Variants in TRPV6 observed in about 807,000 individuals in gnomAD.
TRPV6 encodes transient receptor potential cation channel subfamily V member 6.
Under a neutral mutation model 79.0 loss-of-function variants are expected in TRPV6, and 39 were observed. The observed-to-expected ratio is 0.49, with a 90% confidence interval of 0.38 to 0.64. The LOEUF is 0.64. TRPV6 is among the 30% of genes least tolerant of loss of function. TRPV6 has a pLI of 0.00. For missense variants in TRPV6, 813 were observed against 1,011.1 expected, an observed-to-expected ratio of 0.80 and a Z score of 2.66; for synonymous variants, 373 against 391.9, an observed-to-expected ratio of 0.95 and a Z score of 0.57.
At position 142,877,865 on chromosome 7, in the gene TRPV6, CA is replaced by C; in HGVS notation, c.346+63del. 3 of 1,613,066 alleles carry C rather than the reference CA, an allele frequency of 1.9e-6. No homozygotes were observed. In the Admixed American group the frequency reaches 5.0e-5, roughly 27 times the overall value. On this transcript the variant is annotated intron_variant, in intron 2 of 14. Transcript: ENST00000359396. ...GAGGCCAACAGCACGAGGTCCTGGG[CA>C]CTCCTGGGAGGCCCCATGTGTGGGG...
chr7:142,871,879 A>T lies in TRPV6; in HGVS notation c.2126T>A (p.Leu709Gln), dbSNP rs1794941164. 6.2e-7 allele frequency: 1 copy of T among 1,614,198 alleles called. No homozygotes were observed. ...CAGGTGGGGGCTGAAGGGACAGCCC[A>T]GCTCTAGTTTTTCCACTGAGTCTTT... Residue 709 changes from leucine to glutamine, a missense_variant, in exon 15 of 15, where the codon CTG (leucine) becomes CAG (glutamine). By Grantham distance (113) the Leu-to-Gln change is moderately radical. Transcript: ENST00000359396.
At position 142,885,587 on chromosome 7, in the gene TRPV6, ACAT is replaced by A. The variant is rs751356686; in HGVS notation, c.47_49del (p.Asp16del). 3 of 1,497,694 alleles carry A rather than the reference ACAT, an allele frequency of 2.0e-6. No homozygotes were observed. The highest frequency in any genetic ancestry group is 2.7e-6 in the Non-Finnish European group (3 of 1,122,052). 92.8% of individuals were successfully genotyped at this position (1,497,694 alleles called of 1,614,324 possible). A position where few individuals can be genotyped will look rare whatever the true frequency, so the allele number is the denominator to read the frequency against. On this transcript the variant is annotated inframe_deletion, in exon 1 of 15. Coordinates refer to ENST00000359396, the MANE Select transcript of TRPV6 (RefSeq NM_018646.6). ...CCTGACGGGACTCAGCCTTGGGGCC[ACAT>A]CAGCCCCCCCAAGGGCCGGCCCACC... is the stretch of plus-strand genomic sequence containing the variant.
intron 3 of TRPV6, 72 bp from the exon 4 acceptor site, chr7:142,877,351 C>T: frequency 6.3e-7 from 1 of 1,584,424 alleles, no homozygotes; most frequent in South Asian, 1.1e-5. Flanking sequence ...CATATGCACC[C>T]CAGTCTCTTT....
rs1261021938 is a variant in TRPV6, at chr7:142,873,149, T to G, written c.1908+299A>C. On this transcript the variant is annotated intron_variant, in intron 13 of 14. Transcript: ENST00000359396. The surrounding 1 kb of genome is among the most constrained non-coding windows in gnomAD (Gnocchi z 4.8). ...CTCCAGTTTTTATTTGGGAACAAAATGTACTGAGTGCAATTTTAGCCAACG... is the reference window on the plus strand; with the variant it reads ...CTCCAGTTTTTATTTGGGAACAAAAGGTACTGAGTGCAATTTTAGCCAACG... Among the ~76,000 whole-genome samples, 1 of 152,242 alleles carries G rather than the reference T, an allele frequency of 6.6e-6. No individual in the cohort carries two copies. Among genetic ancestry groups the G allele is most frequent in the Non-Finnish European group, 1.5e-5 (1 of 68,038 alleles).
rs771094322 is a variant in TRPV6 at position 142,877,727 on chromosome 7, G to C, written c.393C>G (p.Asn131Lys). The change falls in exon 3 of 15, where the codon AAC becomes AAG. Residue 131 changes from asparagine (N) to lysine (K), a missense_variant. Physicochemically the swap from Asn to Lys is moderately conservative, Grantham distance 94. Coordinates refer to ENST00000359396, the MANE Select transcript of TRPV6 (RefSeq NM_018646.6). ...CCATCAGCACCATGGCGGCCTCCAG[G>C]TTGTCATAGAGGGCTGCTATGTGTA... is the stretch of plus-strand genomic sequence containing the variant. 93 of 1,614,086 alleles carry C rather than the reference G, an allele frequency of 5.8e-5. No homozygotes were observed. Among genetic ancestry groups the C allele is most frequent in the Non-Finnish European group, 7.7e-5 (91 of 1,180,052 alleles).
chr7:142,877,153 A>G lies in TRPV6; in HGVS notation c.596T>C (p.Leu199Pro). 6.2e-7 allele frequency: 1 copy of G among 1,614,072 alleles called. No homozygotes were observed. The highest frequency in any genetic ancestry group is 8.5e-7 in the Non-Finnish European group (1 of 1,179,984). ...AGCCCTGCTCTCACCAAAGTAGATG[A>G]GGTTGCAGGGACTACGGCGGAAGGC... Residue 199 changes from leucine (L) to proline (P), a missense_variant, in exon 4 of 15, where the codon CTC becomes CCC. This residue lies in a region of TRPV6 where 555 missense variants were observed against 631.0 expected (regional missense o/e 0.88). Coordinates refer to ENST00000359396, the MANE Select transcript of TRPV6 (RefSeq NM_018646.6).
At chr7:142,874,249 G>A in intron 11 of TRPV6, 107 bp from the exon 12 acceptor site, 1 of 1,330,572 alleles carries the variant, frequency 7.5e-7, no homozygotes, top group Non-Finnish European at 1.1e-6. Flanking sequence ...TCCACCCTCT[G>A]GGACAGGGAT....
Position 142,877,789 on chromosome 7 carries a change from A to G in TRPV6, c.347-16T>C. 6.2e-7 allele frequency: 1 copy of G among 1,613,930 alleles called. No homozygotes were observed. Among genetic ancestry groups the G allele is most frequent in the Non-Finnish European group, 8.5e-7 (1 of 1,179,964 alleles). On this transcript the variant is annotated splice_polypyrimidine_tract_variant and intron_variant, in intron 2 of 14. Transcript: ENST00000359396. Reference sequence around the variant, plus strand: ...CCCATGGCTCCTGGCATTTACAGAGAGGTGGGTTATATGGCTTCTGTGGGA... The same window carrying G: ...CCCATGGCTCCTGGCATTTACAGAGGGGTGGGTTATATGGCTTCTGTGGGA...
rs4987678 is a variant in TRPV6, at chr7:142,872,464, T to C, written c.1923A>G (p.Thr641=). The change falls in exon 14 of 15, where the codon ACA becomes ACG. Residue 641 remains threonine, a synonymous_variant. Transcript: ENST00000359396. Reference sequence around the variant, plus strand: ...GAGGCAGCTTCCGCTCCAGCATCACTGTGGTGGCCACAATCTGCGTATGGG... The same window carrying C: ...GAGGCAGCTTCCGCTCCAGCATCACCGTGGTGGCCACAATCTGCGTATGGG... The C allele has an allele frequency of 0.98, 1,582,076 of 1,613,788 alleles. 775,837 individuals are homozygous for C. Among genetic ancestry groups the C allele is most frequent in the East Asian group, 0.99 (44,432 of 44,860 alleles).
intron 1 of TRPV6, chr7:142,880,222 C>T (rs1302063190): frequency 1.3e-5 from 2 of 152,308 alleles, no homozygotes; most frequent in Non-Finnish European, 2.9e-5. Flanking sequence ...ACCACCACCA[C>T]ATCAACCATT....
intron 2 of TRPV6, 47 bp from the exon 3 acceptor site, chr7:142,877,820 G>A (rs1351125696): frequency 6.2e-7 from 1 of 1,613,392 alleles, no homozygotes; most frequent in East Asian, 2.2e-5. Flanking sequence ...TGGGACAGCG[G>A]ATTGGAGACG....
intron 14 of TRPV6, 130 bp downstream of exon 14, chr7:142,872,242 A>T (rs1794952629): frequency 1.9e-6 from 2 of 1,048,088 alleles, no homozygotes; most frequent in Middle Eastern, 2.4e-4. Flanking sequence ...CACCAGCTCA[A>T]TCAACAAGCA....
chr7:142,874,627 G>A lies in TRPV6; in HGVS notation c.1436C>T (p.Thr479Ile), dbSNP rs753499103. The change falls in exon 11 of 15, where the codon ACC (threonine) becomes ATC (isoleucine). Residue 479 changes from threonine (T) to isoleucine (I), a missense_variant. Around this residue, in one of 3 missense-constraint regions of TRPV6, gnomAD observed 555 missense variants for 631.0 expected, o/e 0.88. Transcript: ENST00000359396. Reference sequence around the variant, plus strand: ...GGCACTGATGAGCCGCATCACCATGGTCACCAGCACCATGAAGGCATAGGT... The same window carrying A: ...GGCACTGATGAGCCGCATCACCATGATCACCAGCACCATGAAGGCATAGGT... The A allele has an allele frequency of 6.8e-6, 11 of 1,614,096 alleles. No individual in the cohort carries two copies. In the South Asian group the frequency reaches 1.2e-4, roughly 18 times the overall value.
At position 142,874,534 on chromosome 7, in the gene TRPV6, C is replaced by T. The variant is rs1239027358; in HGVS notation, c.1529G>A (p.Arg510Gln). Reference sequence around the variant, plus strand: ...GAAGGGGCCTAGCATCTGGAATCCTCGGGCGAAGTACATGACGTTGCACCA... The same window carrying T: ...GAAGGGGCCTAGCATCTGGAATCCTTGGGCGAAGTACATGACGTTGCACCA... The change falls in exon 11 of 15, where the codon CGA becomes CAA. Residue 510 changes from arginine to glutamine, a missense_variant. Coordinates refer to ENST00000359396, the MANE Select transcript of TRPV6 (RefSeq NM_018646.6). The T allele has an allele frequency of 4.3e-6, 7 of 1,613,936 alleles. No homozygotes were observed. The highest frequency in any genetic ancestry group is 2.2e-5 in the South Asian group (2 of 91,066).
At position 142,873,695 on chromosome 7, in the gene TRPV6, G is replaced by C. The variant is rs1794993519; in HGVS notation, c.1661C>G (p.Thr554Arg). Residue 554 changes from threonine to arginine, a missense_variant, in exon 13 of 15, where the codon ACA becomes AGA. Transcript: ENST00000359396. This position sits in a 1 kb window ranked among gnomAD's most constrained non-coding sequence, Gnocchi z 4.8. Reference sequence around the variant, plus strand: ...GTGGCCTAGCTCCTCGGGGTCCTCTGTCTGGAAGATGATATAGAAGGCTGC... The same window carrying C: ...GTGGCCTAGCTCCTCGGGGTCCTCTCTCTGGAAGATGATATAGAAGGCTGC... 1 of 1,614,064 alleles carries C rather than the reference G, an allele frequency of 6.2e-7. No homozygotes were observed. The highest frequency in any genetic ancestry group is 1.7e-5 in the Admixed American group (1 of 60,012).
chr7:142,878,005 A>G lies in TRPV6; in HGVS notation c.270T>C (p.Leu90=), dbSNP rs776492346. 6.2e-7 allele frequency: 1 copy of G among 1,614,174 alleles called. No individual in the cohort carries two copies. Among genetic ancestry groups the G allele is most frequent in the South Asian group, 1.1e-5 (1 of 91,084 alleles). The change falls in exon 2 of 15, where the codon CTT becomes CTC. Residue 90 remains leucine, a synonymous_variant. Coordinates refer to ENST00000359396, the MANE Select transcript of TRPV6 (RefSeq NM_018646.6). The stretch of plus-strand genomic sequence containing the variant: ...GGACATCATTATCTTTGGCAGCTAG[A>G]AGGAGAGGAGACTCCCAGATCCTAT...
Position 142,876,729 on chromosome 7 carries a change from C to G in TRPV6, c.706+10G>C, listed in dbSNP as rs774007383. ...AGCATCCCAGCTCCCCTCCCCATCTCAGCTCTTACCCAGGGAGTCCTGGGC... is the reference window on the plus strand; with the variant it reads ...AGCATCCCAGCTCCCCTCCCCATCTGAGCTCTTACCCAGGGAGTCCTGGGC... On this transcript the variant is annotated intron_variant, in intron 5 of 14. Transcript: ENST00000359396. 1 of 1,614,126 alleles carries G rather than the reference C, an allele frequency of 6.2e-7. No homozygotes were observed. Among genetic ancestry groups the G allele is most frequent in the South Asian group, 1.1e-5 (1 of 91,078 alleles).
intron 1 of TRPV6, chr7:142,878,449 T>C (rs566991070): frequency 2.3e-5 from 5 of 218,956 alleles, no homozygotes; most frequent in Non-Finnish European, 4.6e-5. Flanking sequence ...AGCCTTGTTT[T>C]GCATGGACCG....
chr7:142,873,243 A>G lies in TRPV6; in HGVS notation c.1908+205T>C, dbSNP rs541848296. On this transcript the variant is annotated intron_variant, in intron 13 of 14. Transcript: ENST00000359396. This position sits in a 1 kb window ranked among gnomAD's most constrained non-coding sequence, Gnocchi z 4.8. ...CACTGAGCTTTTAACTGTTGAGAAA[A>G]CTGTGAGGCATTCTTCTCAGCGATT... 7.1e-4 allele frequency among the ~76,000 whole-genome samples: 100 copies of G among 140,358 alleles called. 1 individual carries two copies. Among genetic ancestry groups the G allele is most frequent in the Admixed American group, 4.1e-3 (61 of 15,056 alleles). The allele number at this position is 140,358 out of a possible 152,430, so 92.1% of individuals were successfully genotyped here.
Sources: allele counts gnomAD v4.1 joint callset (sites outside exome capture counted in the v4.1 genomes callset), GRCh38; gene constraint gnomAD v4.1.1; regional missense constraint gnomAD v4.1.1; non-coding constraint Gnocchi (gnomAD v3.1); transcripts MANE v1.5; gene names NCBI Gene and HGNC (gene_info 2026-07-23, HGNC 2026-07-21).